CACNA1D: variants seen among roughly 807,000 people sequenced by gnomAD.
CACNA1D encodes the protein voltage-dependent L-type calcium channel subunit alpha-1D.
In CACNA1D, 55 loss-of-function variants were observed where a neutral mutation model predicts 257.1. The observed-to-expected ratio is 0.21, with a 90% confidence interval of 0.17 to 0.27. The LOEUF (loss-of-function observed/expected upper bound fraction) is 0.27. Among genes scored for constraint, CACNA1D ranks in the 10% least tolerant of loss-of-function variants. The pLI is 1.00. For synonymous variants in CACNA1D, 980 were observed against 1,014.9 expected, an observed-to-expected ratio of 0.97 and a Z score of 0.65; for missense variants, 1,876 against 2,784.0, an observed-to-expected ratio of 0.67 and a Z score of 7.34.
intron 40 of CACNA1D, among the ~76,000 whole-genome samples, chr3:53,797,208 T>A (rs1359933042): frequency 6.6e-6 from 1 of 152,204 alleles, no homozygotes; most frequent in South Asian, 2.1e-4. Context: ...TAGCTTGATA[T>A]GTGTGCTAGA....
intron 3 of CACNA1D, among the ~76,000 whole-genome samples, chr3:53,601,572 A>T: frequency 6.6e-6 from 1 of 152,248 alleles, no homozygotes; most frequent in East Asian, 1.9e-4. Context: ...CCTGGATAAT[A>T]CCATTCTGTT....
rs544215412 is a variant in CACNA1D, at chr3:53,550,826, G to C, written c.483+49106G>C. Among the ~76,000 whole-genome samples the C allele has an allele frequency of 2.0e-5, 3 of 152,296 alleles. No homozygotes were observed. In the South Asian group the frequency reaches 6.2e-4, roughly 32 times the overall value. On this transcript the variant is annotated intron_variant, in intron 3 of 47. Transcript: ENST00000350061. ...TACGGGTATTTTAATTAAAAAAAGA[G>C]AGACCCAGAATTGTTTTTCACTTAA...
intron 3 of CACNA1D, among the ~76,000 whole-genome samples, chr3:53,536,948 ACT>A (rs1397285934): frequency 6.6e-6 from 1 of 152,180 alleles, no homozygotes; most frequent in Non-Finnish European, 1.5e-5. Context: ...TCAGCTTTTA[ACT>A]TTCGGTTATT....
intron 3 of CACNA1D, among the ~76,000 whole-genome samples, chr3:53,526,837 C>T (rs1038242739): frequency 3.3e-5 from 5 of 152,208 alleles, no homozygotes; most frequent in African/African-American, 1.2e-4. Context: ...GAACATAGTA[C>T]ATCGTGCATA....
At chr3:53,666,973 A>G (rs2094271622) in intron 7 of CACNA1D, among the ~76,000 whole-genome samples, 1 of 152,152 alleles carries the variant, frequency 6.6e-6, no homozygotes, top group Admixed American at 6.6e-5. Flanking sequence ...AAGGGAAGAA[A>G]GGGAATGTAA....
At chr3:53,691,765 A>AATAT (rs1385660170) in intron 8 of CACNA1D, among the ~76,000 whole-genome samples, 1 of 118,972 alleles carries the variant, frequency 8.4e-6, no homozygotes, top group Non-Finnish European at 1.6e-5. Context: ...TATTACATAT[A>AATAT]ATATATATAT....
At chr3:53,730,375 G>A (rs1363879863) in intron 15 of CACNA1D, 67 bp from the exon 16 acceptor site, 7 of 1,029,564 alleles carry the variant, frequency 6.8e-6, no homozygotes, top group South Asian at 2.6e-5. Context: ...GGTGTGTGGC[G>A]TTGCCATTGT....
intron 3 of CACNA1D, among the ~76,000 whole-genome samples, chr3:53,551,745 G>C (rs993204376): frequency 1.3e-4 from 20 of 152,116 alleles, no homozygotes; most frequent in African/African-American, 4.8e-4. Flanking sequence ...GGAAACACAG[G>C]GTGTGAAGGC....
At chr3:53,669,212 A>G (rs1015286799) in intron 7 of CACNA1D, among the ~76,000 whole-genome samples, 1 of 152,276 alleles carries the variant, frequency 6.6e-6, no homozygotes, top group Non-Finnish European at 1.5e-5. Context: ...CAAGGAACCA[A>G]GCCTTCCTAA....
chr3:53,648,704 A>G (rs2094050150), intron 3 of CACNA1D, among the ~76,000 whole-genome samples: 1 of 152,036 alleles, frequency 6.6e-6, no homozygotes, highest in Admixed American at 6.6e-5. Flanking sequence ...GCATGGGGGC[A>G]TGGGATGAGC....
intron 1 of CACNA1D, 76 bp from the exon 2 acceptor site, chr3:53,497,076 A>G (rs2090383336): frequency 9.0e-7 from 1 of 1,113,776 alleles, no homozygotes; most frequent in Admixed American, 1.9e-5. Flanking sequence ...GATGGGAGAC[A>G]ACCTTTGATT....
chr3:53,719,910 G>T (rs1176031813), intron 11 of CACNA1D, 129 bp downstream of exon 11: 1 of 884,892 alleles, frequency 1.1e-6, no homozygotes, highest in African/African-American at 1.6e-5. Flanking sequence ...ATACTGAATT[G>T]CAGTCAGTCA....
intron 3 of CACNA1D, among the ~76,000 whole-genome samples, chr3:53,647,014 A>G (rs2094028445): frequency 6.6e-6 from 1 of 152,318 alleles, no homozygotes; most frequent in East Asian, 1.9e-4. Flanking sequence ...CTACTGATTT[A>G]GAGCCTCTCC....
chr3:53,686,593 T>G lies in CACNA1D; in HGVS notation c.1220+13467T>G, dbSNP rs1331553145. On this transcript the variant is annotated intron_variant, in intron 8 of 47. Coordinates refer to ENST00000350061, the MANE Select transcript of CACNA1D (RefSeq NM_001128840.3). The stretch of plus-strand genomic sequence containing the variant: ...AGAGGAAATCATACGATCACCTCAG[T>G]AAATGCAGACATTACTAACAATATT... Among the ~76,000 whole-genome samples the G allele has an allele frequency of 2.6e-5, 4 of 152,170 alleles. No individual in the cohort carries two copies. The East Asian group carries it at 7.7e-4, about 29-fold the overall frequency.
rs371857760 is a variant in CACNA1D at position 53,739,901 on chromosome 3, C to T, written c.2752-379C>T. 1.8e-4 allele frequency among the ~76,000 whole-genome samples: 27 copies of T among 152,328 alleles called. No homozygotes were observed. The East Asian group carries it at 2.7e-3, about 15-fold the overall frequency. On this transcript the variant is annotated intron_variant, in intron 20 of 47. Coordinates refer to ENST00000350061, the MANE Select transcript of CACNA1D (RefSeq NM_001128840.3). ...GCAACATACTTCATTCAGCCAGAAA[C>T]GCGGTTAAAAATCGAAAATGTGTAT...
At chr3:53,504,513 A>G (rs1428948093) in intron 3 of CACNA1D, among the ~76,000 whole-genome samples, 1 of 152,064 alleles carries the variant, frequency 6.6e-6, no homozygotes, top group Admixed American at 6.5e-5. Flanking sequence ...ATTTTTTTAA[A>G]AATATAAACA....
chr3:53,576,721 G>C (rs930068552), intron 3 of CACNA1D, among the ~76,000 whole-genome samples: 5 of 152,206 alleles, frequency 3.3e-5, no homozygotes, highest in Admixed American at 6.5e-5. Flanking sequence ...ATTTTGGGCT[G>C]TTACCATCTG....
intron 3 of CACNA1D, among the ~76,000 whole-genome samples, chr3:53,646,902 G>T (rs2094027317): frequency 2.0e-5 from 3 of 152,184 alleles, no homozygotes; most frequent in Admixed American, 2.0e-4. Context: ...CAAGTCTAAT[G>T]AAGGATTTTG....
chr3:53,565,668 A>G (rs541026117), intron 3 of CACNA1D, among the ~76,000 whole-genome samples: 1 of 152,240 alleles, frequency 6.6e-6, no homozygotes, highest in Non-Finnish European at 1.5e-5. Context: ...CTTGTGTAGT[A>G]TGATTTATAC....
Sources: gnomAD v4.1 joint callset for allele counts (sites outside exome capture counted in the v4.1 genomes callset) on GRCh38, gnomAD v4.1.1 for gene constraint, MANE v1.5 for transcripts, NCBI Gene and HGNC (gene_info 2026-07-23, HGNC 2026-07-21) for gene names.